Variants in ZEB2 observed in about 807,000 individuals in gnomAD.
The protein encoded by ZEB2 is zinc finger E-box-binding homeobox 2.
ZEB2 carries 6 observed loss-of-function variants against 99.9 expected under a neutral mutation model. The ratio of observed to expected loss-of-function variants is 0.06; its 90% CI spans 0.03 to 0.12. The LOEUF (loss-of-function observed/expected upper bound fraction) is 0.12. ZEB2 is among the 10% of genes least tolerant of loss of function. The pLI is 1.00. For missense variants in ZEB2, 969 were observed against 1,502.8 expected (o/e 0.64, Z 5.87); for synonymous variants, 517 against 542.5 (o/e 0.95, Z 0.65).
chr2:144,429,793 G>A lies in ZEB2; in HGVS notation c.307C>T (p.Leu103=). ...CCTGGACCATCTACAGAGGCTTGTA[G>A]AATCTCGTTGTTGTGCCAGGGGTGT... is the stretch of plus-strand genomic sequence containing the variant. ...VEHPWHNNEI[L]QASVDGPEEM... The change falls in exon 3 of 10, where the codon CTA becomes TTA. Residue 103 remains leucine (L), a synonymous_variant. Transcript: ENST00000627532. The A allele has an allele frequency of 6.2e-7, 1 of 1,613,858 alleles. No individual in the cohort carries two copies. Among genetic ancestry groups the A allele is most frequent in the Non-Finnish European group, 8.5e-7 (1 of 1,179,832 alleles).
chr2:144,439,212 A>T (rs573878043), intron 2 of ZEB2, among the ~76,000 whole-genome samples: 1 of 151,342 alleles, frequency 6.6e-6, no homozygotes, highest in Non-Finnish European at 1.5e-5. Flanking sequence ...GTATAAATCC[A>T]CCATCTGTGC....
Position 144,399,659 on chromosome 2 carries a change from G to A in ZEB2, c.1528C>T (p.Pro510Ser), listed in dbSNP as rs2149877203. ...EQGVTSPNIPPVGLPVVSHNG... is the reference protein window; with the variant it reads ...EQGVTSPNIPSVGLPVVSHNG... ...TGACTCACTACCGGAAGACCGACAG[G>A]CGGAATATTAGGAGAAGTAACTCCT... Residue 510 changes from proline to serine, a missense_variant, in exon 8 of 10, where the codon CCT becomes TCT. Physicochemically the swap from Pro to Ser is moderately conservative, Grantham distance 74. Transcript: ENST00000627532. The surrounding 1 kb of genome is among the most constrained non-coding windows in gnomAD (Gnocchi z 5.6). The A allele has an allele frequency of 6.2e-7, 1 of 1,614,174 alleles. No individual in the cohort carries two copies. The highest frequency in any genetic ancestry group is 2.2e-5 in the East Asian group (1 of 44,878).
At chr2:144,463,403 C>T (rs1239363149) in intron 2 of ZEB2, 2 of 152,068 alleles carry the variant, frequency 1.3e-5, no homozygotes, top group African/African-American at 4.8e-5. Context: ...AAAGAGGTTA[C>T]CTATTCTCCG....
intron 2 of ZEB2, among the ~76,000 whole-genome samples, chr2:144,460,615 G>A (rs1337804577): frequency 1.3e-5 from 2 of 151,988 alleles, no homozygotes; most frequent in Non-Finnish European, 2.9e-5. Context: ...AACACTGAGA[G>A]CACTGTTTTT....
intron 2 of ZEB2, among the ~76,000 whole-genome samples, chr2:144,458,949 C>A (rs1704157075): frequency 6.6e-6 from 1 of 152,058 alleles, no homozygotes; most frequent in African/African-American, 2.4e-5. Flanking sequence ...GGGAATCTTG[C>A]AATATTTTTT....
intron 2 of ZEB2, among the ~76,000 whole-genome samples, chr2:144,472,965 T>G (rs1001857273): frequency 1.3e-5 from 2 of 151,942 alleles, no homozygotes; most frequent in African/African-American, 4.8e-5. Flanking sequence ...AGAGAATGAA[T>G]GGACCAAAAA....
chr2:144,463,362 T>C (rs1368784743), intron 2 of ZEB2: 2 of 151,904 alleles, frequency 1.3e-5, no homozygotes, highest in East Asian at 1.9e-4. Context: ...TCAAAACTAA[T>C]AGCCAAAGCA....
intron 2 of ZEB2, among the ~76,000 whole-genome samples, chr2:144,440,743 T>G (rs1028498092): frequency 6.6e-6 from 1 of 151,712 alleles, no homozygotes; most frequent in Non-Finnish European, 1.5e-5. Context: ...ACTAATTTAG[T>G]GTCAAGTCTC....
At position 144,393,418 on chromosome 2, in the gene ZEB2, A is replaced by T. The variant is rs571261925; in HGVS notation, c.3067+2994T>A. Reference sequence around the variant, plus strand: ...TAGACAGACATCACAAACACACTTTACCAAGGACACATTCATAATCAATGC... The same window carrying T: ...TAGACAGACATCACAAACACACTTTTCCAAGGACACATTCATAATCAATGC... On this transcript the variant is annotated intron_variant, in intron 9 of 9. Coordinates refer to ENST00000627532, the MANE Select transcript of ZEB2 (RefSeq NM_014795.4). 3.3e-5 allele frequency among the ~76,000 whole-genome samples: 5 copies of T among 152,370 alleles called. No individual in the cohort carries two copies. The South Asian group carries it at 1.0e-3, about 32-fold the overall frequency.
At chr2:144,417,746 G>A (rs1403685175) in intron 4 of ZEB2, among the ~76,000 whole-genome samples, 1 of 152,138 alleles carries the variant, frequency 6.6e-6, no homozygotes, top group African/African-American at 2.4e-5. Flanking sequence ...AGTTAGATAG[G>A]AGAAATAGTT....
At chr2:144,482,502 T>A (rs998503405) in intron 2 of ZEB2, among the ~76,000 whole-genome samples, 1 of 152,244 alleles carries the variant, frequency 6.6e-6, no homozygotes, top group African/African-American at 2.4e-5. Flanking sequence ...GGTGTTGTGA[T>A]GAAAATTTAC....
intron 6 of ZEB2, among the ~76,000 whole-genome samples, chr2:144,402,561 A>C (rs186264803): frequency 3.9e-5 from 6 of 152,344 alleles, no homozygotes; most frequent in Admixed American, 3.9e-4. Context: ...CACTGTTAAT[A>C]TGATACAATC....
Position 144,398,353 on chromosome 2 carries a change from G to A in ZEB2, c.2834C>T (p.Thr945Ile). The change falls in exon 8 of 10, where the codon ACT (threonine) becomes ATT (isoleucine). Residue 945 changes from threonine (T) to isoleucine (I), a missense_variant. Around this residue, in one of 8 missense-constraint regions of ZEB2, gnomAD observed 346 missense variants for 460.0 expected, o/e 0.75. Transcript: ENST00000627532. ...TCTCCTTTGCTGCATATCAGCAAAA[G>A]TAGCTGCTCCAGTTGGGTAGGTGTA... The part of the protein sequence containing the change: ...MAYTYPTGAA[T>I]FADMQQRRKY... 1.9e-6 allele frequency: 3 copies of A among 1,613,998 alleles called. No homozygotes were observed. The highest frequency in any genetic ancestry group is 2.5e-6 in the Non-Finnish European group (3 of 1,179,968).
chr2:144,406,528 AG>A (rs1703389153), intron 4 of ZEB2, among the ~76,000 whole-genome samples: 1 of 151,790 alleles, frequency 6.6e-6, no homozygotes, highest in African/African-American at 2.4e-5. Flanking sequence ...GGAGAAGAGC[AG>A]CATGTGCAAT....
chr2:144,464,865 C>T (rs567933834), intron 2 of ZEB2, among the ~76,000 whole-genome samples: 3 of 152,270 alleles, frequency 2.0e-5, no homozygotes, highest in South Asian at 2.1e-4. Context: ...AACATGACAT[C>T]GAAGTGGCCA....
intron 2 of ZEB2, among the ~76,000 whole-genome samples, chr2:144,501,359 G>A (rs1264941766): frequency 6.6e-6 from 1 of 152,132 alleles, no homozygotes; most frequent in Non-Finnish European, 1.5e-5. Flanking sequence ...TGGAAAAAAG[G>A]GGAAAAGGCC....
intron 4 of ZEB2, among the ~76,000 whole-genome samples, chr2:144,423,437 C>T (rs1423922359): frequency 2.6e-5 from 4 of 152,088 alleles, no homozygotes; most frequent in Non-Finnish European, 5.9e-5. Context: ...TCTATTTTTA[C>T]ATGGTGATAA....
chr2:144,498,798 A>C (rs1374421824), intron 2 of ZEB2, among the ~76,000 whole-genome samples: 1 of 152,182 alleles, frequency 6.6e-6, no homozygotes, highest in Non-Finnish European at 1.5e-5. Flanking sequence ...AAATCAGAGG[A>C]TAGAAAGATA....
At chr2:144,512,307 T>C in intron 2 of ZEB2, 6 of 1,287,212 alleles carry the variant, frequency 4.7e-6, no homozygotes, top group South Asian at 2.5e-5. Context: ...CTTGGAAGAA[T>C]GCAGATGACA....
Sources: gnomAD v4.1 joint callset for allele counts (sites outside exome capture counted in the v4.1 genomes callset) on GRCh38, gnomAD v4.1.1 for gene constraint, gnomAD v4.1.1 regional missense constraint, Gnocchi (gnomAD v3.1) non-coding constraint, MANE v1.5 for transcripts, NCBI Gene and HGNC (gene_info 2026-07-23, HGNC 2026-07-21) for gene names.